Variants in NRF1 observed in about 807,000 individuals in gnomAD.
The protein encoded by NRF1 is alpha palindromic-binding protein.
A neutral mutation model predicts 58.5 loss-of-function variants in NRF1; 5 were observed. The ratio of observed to expected loss-of-function variants is 0.09; its 90% CI spans 0.04 to 0.18. The LOEUF (loss-of-function observed/expected upper bound fraction) is 0.18, where lower values mean the gene tolerates loss of function less well. Among genes scored for constraint, NRF1 ranks in the 10% least tolerant of loss-of-function variants. The pLI, the probability that NRF1 is intolerant of heterozygous loss-of-function variation, is 1.00. For missense variants in NRF1, 288 were observed against 657.7 expected, an observed-to-expected ratio of 0.44 and a Z score of 6.15; for synonymous variants, 224 against 246.7, an observed-to-expected ratio of 0.91 and a Z score of 0.86.
At chr7:129,674,394 A>G (rs1026579136) in intron 3 of NRF1, among the ~76,000 whole-genome samples, 2 of 125,934 alleles carry the variant, frequency 1.6e-5, no homozygotes, top group Non-Finnish European at 3.1e-5. Flanking sequence ...TTGCAGTGGT[A>G]TTATATCTAA....
intron 1 of NRF1, among the ~76,000 whole-genome samples, chr7:129,631,050 A>G (rs1049026555): frequency 6.6e-6 from 1 of 152,150 alleles, no homozygotes; most frequent in African/African-American, 2.4e-5. Context: ...AAATATTATA[A>G]CTTTGAAGTT....
At chr7:129,751,047 T>C (rs1273900358) in intron 10 of NRF1, among the ~76,000 whole-genome samples, 1 of 152,058 alleles carries the variant, frequency 6.6e-6, no homozygotes, top group East Asian at 1.9e-4. Flanking sequence ...GCAGTGAGGA[T>C]GAATGAGGCC....
intron 10 of NRF1, among the ~76,000 whole-genome samples, chr7:129,751,435 C>G (rs1804113367): frequency 6.6e-6 from 1 of 152,214 alleles, no homozygotes; most frequent in South Asian, 2.1e-4. Flanking sequence ...TGCATTAGAA[C>G]CTTGCTTCAT....
intron 3 of NRF1, among the ~76,000 whole-genome samples, chr7:129,677,315 C>A (rs1802204948): frequency 6.6e-6 from 1 of 152,060 alleles, no homozygotes; most frequent in Non-Finnish European, 1.5e-5. Flanking sequence ...CCATGCCTGG[C>A]CAGTTGTAAT....
intron 2 of NRF1, among the ~76,000 whole-genome samples, chr7:129,667,741 GTATTTATTTATT>G (rs140688640): frequency 0.16 from 22,641 of 144,380 alleles, 1,934 homozygotes; most frequent in African/African-American, 0.22. Flanking sequence ...AATTTTAAAG[GTATTTATTTATT>G]TATTTATTTA....
chr7:129,683,924 C>G (rs1477034095), intron 4 of NRF1, among the ~76,000 whole-genome samples: 1 of 152,118 alleles, frequency 6.6e-6, no homozygotes, highest in Non-Finnish European at 1.5e-5. Flanking sequence ...TGAGCCACCC[C>G]TCCTGGCTGG....
intron 5 of NRF1, among the ~76,000 whole-genome samples, chr7:129,703,343 TTG>T (rs1312915549): frequency 6.6e-6 from 1 of 152,150 alleles, no homozygotes; most frequent in Admixed American, 6.5e-5. Context: ...ATCCTGTTGA[TTG>T]TCTCCCTGTG....
At chr7:129,650,647 T>C (rs1277713061) in intron 1 of NRF1, among the ~76,000 whole-genome samples, 1 of 152,160 alleles carries the variant, frequency 6.6e-6, no homozygotes, top group Non-Finnish European at 1.5e-5. Flanking sequence ...CAGGCACTTA[T>C]TGCTGGGCAC....
chr7:129,619,433 T>TATATACACACACACACACACAC (rs1554401492), intron 1 of NRF1, among the ~76,000 whole-genome samples: 1 of 65,872 alleles, frequency 1.5e-5, no homozygotes, highest in African/African-American at 8.2e-5. Flanking sequence ...TATATATATA[T>TATATACACACACACACACACAC]ACACACACAC....
intron 10 of NRF1, among the ~76,000 whole-genome samples, chr7:129,752,865 CA>C (rs140124469): frequency 0.018 from 2,779 of 152,314 alleles, 41 homozygotes; most frequent in Non-Finnish European, 0.027. Context: ...GTGCTTCCCC[CA>C]TGCCCACGTG....
intron 1 of NRF1, among the ~76,000 whole-genome samples, 180 bp from the exon 2 acceptor site, chr7:129,657,166 C>T (rs1801674775): frequency 6.6e-6 from 1 of 152,166 alleles, no homozygotes; most frequent in Non-Finnish European, 1.5e-5. Flanking sequence ...ACCACTCTGT[C>T]ATTTTTATGT....
chr7:129,651,478 A>G (rs1274092757), intron 1 of NRF1, among the ~76,000 whole-genome samples: 1 of 151,926 alleles, frequency 6.6e-6, no homozygotes, highest in East Asian at 1.9e-4. Flanking sequence ...AGAGGTGGAA[A>G]GAGATGAGGC....
chr7:129,616,326 T>TAATC, intron 1 of NRF1, among the ~76,000 whole-genome samples: 1 of 152,324 alleles, frequency 6.6e-6, no homozygotes, highest in East Asian at 1.9e-4. Context: ...TTCATGCCTA[T>TAATC]AATCCCAGCA....
chr7:129,702,624 TG>T (rs962335554), intron 5 of NRF1, among the ~76,000 whole-genome samples: 3 of 152,222 alleles, frequency 2.0e-5, no homozygotes, highest in African/African-American at 7.2e-5. Context: ...CAAATAAAAT[TG>T]GGTCTGTCAG....
At chr7:129,688,484 C>CTT (rs945398186) in intron 4 of NRF1, among the ~76,000 whole-genome samples, 14 of 152,084 alleles carry the variant, frequency 9.2e-5, no homozygotes, top group African/African-American at 3.4e-4. Flanking sequence ...AGGATTTAAC[C>CTT]TTATAAACCT....
In NRF1 at chr7:129,717,251, T is replaced by C. The variant is rs1803214376; in HGVS notation, c.1098T>C (p.Gly366=). 1 of 1,613,142 alleles carries C rather than the reference T, an allele frequency of 6.2e-7. No individual in the cohort carries two copies. Among genetic ancestry groups the C allele is most frequent in the Non-Finnish European group, 8.5e-7 (1 of 1,179,724 alleles). The change falls in exon 9 of 11, where the codon GGT becomes GGC. Residue 366 remains glycine, a synonymous_variant. Transcript: ENST00000393232. The part of the protein sequence containing the change: ...VEQNWATLQG[G]EMTIQTTQAS... ...AAAATTGGGCCACGTTACAGGGAGG[T>C]GAGATGACCATCCAGACGACGCAAG...
At chr7:129,625,384 A>G (rs551593136) in intron 1 of NRF1, among the ~76,000 whole-genome samples, 14 of 152,102 alleles carry the variant, frequency 9.2e-5, no homozygotes, top group Non-Finnish European at 1.8e-4. Flanking sequence ...AGTCCAACCC[A>G]CTATAGGAGC....
chr7:129,722,962 A>G (rs919287489), intron 9 of NRF1, among the ~76,000 whole-genome samples: 1 of 152,188 alleles, frequency 6.6e-6, no homozygotes, highest in African/African-American at 2.4e-5. Context: ...AACAATTCTC[A>G]TTTACAGTTT....
chr7:129,619,425 T>TACACACACAC lies in NRF1; in HGVS notation c.-7+7602_-7+7603insCACACACACA, dbSNP rs1461364151. On this transcript the variant is annotated intron_variant, in intron 1 of 10. Transcript: ENST00000393232. ...ATATATATATATATATATATATATA[T>TACACACACAC]ATATATATACACACACACACACATA... Among the ~76,000 whole-genome samples, 204 of 82,538 alleles carry TACACACACAC rather than the reference T, an allele frequency of 2.5e-3. 1 individual carries two copies. Among genetic ancestry groups the TACACACACAC allele is most frequent in the East Asian group, 0.013 (28 of 2,142 alleles). 54.1% of individuals were successfully genotyped at this position (82,538 alleles called of 152,430 possible). A position where few individuals can be genotyped will look rare whatever the true frequency, so the allele number is the denominator to read the frequency against.
Sources: gnomAD v4.1 joint callset for allele counts (sites outside exome capture counted in the v4.1 genomes callset) on GRCh38, gnomAD v4.1.1 for gene constraint, MANE v1.5 for transcripts, NCBI Gene and HGNC (gene_info 2026-07-23, HGNC 2026-07-21) for gene names.